The following KHDRBS2 variants were observed in gnomAD, a reference collection of about 807,000 sequenced individuals.
The protein encoded by KHDRBS2 is KH RNA binding domain containing, signal transduction associated 2.
In KHDRBS2, 26 loss-of-function variants were observed where a neutral mutation model predicts 44.3. The ratio of observed to expected loss-of-function variants is 0.59; its 90% confidence interval spans 0.43 to 0.81. The LOEUF is 0.81. Among genes scored for constraint, KHDRBS2 ranks in the 40% least tolerant of loss-of-function variants. KHDRBS2 has a pLI of 0.00. For missense variants in KHDRBS2, 476 were observed against 433.1 expected (o/e 1.10, Z -0.88); for synonymous variants, 194 against 151.1 (o/e 1.28, Z -2.08).
At chr6:61,720,775 T>G (rs1406947685) in intron 7 of KHDRBS2, among the ~76,000 whole-genome samples, 1 of 151,596 alleles carries the variant, frequency 6.6e-6, no homozygotes, top group Non-Finnish European at 1.5e-5. Flanking sequence ...AGAAGCTCTT[T>G]AGTTTAATTA....
chr6:62,142,163 G>A (rs995202815), intron 2 of KHDRBS2, among the ~76,000 whole-genome samples: 1 of 152,080 alleles, frequency 6.6e-6, no homozygotes, highest in Non-Finnish European at 1.5e-5. Flanking sequence ...GATCTGCCAA[G>A]ATACTCTAAA....
chr6:62,146,039 G>T (rs1030403505), intron 2 of KHDRBS2, among the ~76,000 whole-genome samples: 1 of 151,740 alleles, frequency 6.6e-6, no homozygotes, highest in African/African-American at 2.4e-5. Context: ...AATCCTAGAA[G>T]ATTTGGCAAT....
intron 6 of KHDRBS2, among the ~76,000 whole-genome samples, chr6:61,778,415 A>T (rs1782434413): frequency 6.6e-6 from 1 of 152,138 alleles, no homozygotes; most frequent in Non-Finnish European, 1.5e-5. Flanking sequence ...TATAGAGGTG[A>T]TAATTTACCC....
chr6:62,169,168 T>TAC (rs1342834207), intron 2 of KHDRBS2, among the ~76,000 whole-genome samples: 5 of 70,450 alleles, frequency 7.1e-5, no homozygotes, highest in East Asian at 7.7e-4. Context: ...CGTACACATA[T>TAC]ATGTATATAT....
chr6:62,272,827 G>A (rs1840297880), intron 1 of KHDRBS2, among the ~76,000 whole-genome samples: 1 of 152,138 alleles, frequency 6.6e-6, no homozygotes, highest in African/African-American at 2.4e-5. Context: ...GTAAAAGGAT[G>A]TTCCACATTA....
At chr6:61,830,742 G>A (rs1791654024) in intron 6 of KHDRBS2, among the ~76,000 whole-genome samples, 1 of 152,052 alleles carries the variant, frequency 6.6e-6, no homozygotes, top group Non-Finnish European at 1.5e-5. Flanking sequence ...TTCTACCTTT[G>A]AGCCAAATGG....
chr6:61,924,322 A>AT (rs1471142737), intron 4 of KHDRBS2, among the ~76,000 whole-genome samples: 4 of 151,994 alleles, frequency 2.6e-5, no homozygotes, highest in African/African-American at 4.8e-5. Context: ...GGAGGAAGAC[A>AT]TTTTTTTACC....
chr6:62,110,282 C>A (rs139342374), intron 2 of KHDRBS2, among the ~76,000 whole-genome samples: 1 of 152,102 alleles, frequency 6.6e-6, no homozygotes, highest in Admixed American at 6.6e-5. Context: ...TCTAAAGAAT[C>A]CAACATATAT....
intron 6 of KHDRBS2, among the ~76,000 whole-genome samples, chr6:61,750,854 T>C (rs2127568558): frequency 6.6e-6 from 1 of 152,144 alleles, no homozygotes; most frequent in African/African-American, 2.4e-5. Context: ...ATGGAATTTC[T>C]ATGTTTCTAG....
Position 62,213,340 on chromosome 6 carries a change from G to A in KHDRBS2, c.92-36028C>T, listed in dbSNP as rs528304471. ...GAGATTGAGGTTGCAGTTGCATAGC[G>A]CAGAATATGAAAAAAAAAATTCTGA... On this transcript the variant is annotated intron_variant, in intron 1 of 8. Coordinates refer to ENST00000281156, the MANE Select transcript of KHDRBS2 (RefSeq NM_152688.4). 1.8e-4 allele frequency among the ~76,000 whole-genome samples: 28 copies of A among 151,862 alleles called. 1 individual carries two copies. In the South Asian group the frequency reaches 5.6e-3, roughly 31 times the overall value.
chr6:61,906,455 T>C (rs1400915546), intron 4 of KHDRBS2, among the ~76,000 whole-genome samples: 3 of 152,136 alleles, frequency 2.0e-5, no homozygotes, highest in East Asian at 3.9e-4. Context: ...TCGTTGACTA[T>C]ATTCACTTCA....
rs1178840027 is a variant in KHDRBS2, at chr6:62,142,925, T to C, written c.219+34260A>G. 6.7e-5 allele frequency among the ~76,000 whole-genome samples: 10 copies of C among 149,140 alleles called. No individual in the cohort carries two copies. In the East Asian group the frequency reaches 1.7e-3, roughly 26 times the overall value. ...ACTTGATTTGTGTTTCAATGATTTGTAACAAAGAATTTATTTTAATTAATC... is the reference window on the plus strand; with the variant it reads ...ACTTGATTTGTGTTTCAATGATTTGCAACAAAGAATTTATTTTAATTAATC... On this transcript the variant is annotated intron_variant, in intron 2 of 8. Transcript: ENST00000281156.
intron 3 of KHDRBS2, among the ~76,000 whole-genome samples, chr6:62,016,364 G>C (rs973324211): frequency 4.0e-5 from 6 of 151,788 alleles, no homozygotes; most frequent in Non-Finnish European, 8.8e-5. Context: ...AGAACATTCA[G>C]TATATAAATG....
rs182986473 is a variant in KHDRBS2 at position 62,038,059 on chromosome 6, A to G, written c.336+9819T>C. On this transcript the variant is annotated intron_variant, in intron 3 of 8. Coordinates refer to ENST00000281156, the MANE Select transcript of KHDRBS2 (RefSeq NM_152688.4). ...TTCTATGACTGGCTTAACTGCCACA[A>G]TGGAACAACTCAGAGGCACTATTCA... Among the ~76,000 whole-genome samples the G allele has an allele frequency of 1.4e-4, 21 of 152,118 alleles. 1 individual carries two copies. Among genetic ancestry groups the G allele is most frequent in the Middle Eastern group, 3.4e-3 (1 of 294 alleles).
At chr6:61,873,140 T>C (rs1255753373) in intron 6 of KHDRBS2, among the ~76,000 whole-genome samples, 2 of 152,202 alleles carry the variant, frequency 1.3e-5, no homozygotes, top group East Asian at 3.9e-4. Flanking sequence ...ATAAAAATCA[T>C]GGTCTATTAA....
intron 6 of KHDRBS2, among the ~76,000 whole-genome samples, chr6:61,738,181 A>T (rs193207024): frequency 2.6e-5 from 4 of 152,136 alleles, no homozygotes; most frequent in Non-Finnish European, 5.9e-5. Flanking sequence ...TTAAGTTATC[A>T]GTCCCAACGC....
the KHDRBS2 span, among the ~76,000 whole-genome samples, chr6:61,586,215 A>T: frequency 6.6e-6 from 1 of 152,308 alleles, no homozygotes; most frequent in Admixed American, 6.5e-5. Context: ...TGCTGATATT[A>T]ATTAGGAAAA....
At chr6:62,214,345 GTAT>G (rs1207693132) in intron 1 of KHDRBS2, among the ~76,000 whole-genome samples, 1 of 152,146 alleles carries the variant, frequency 6.6e-6, no homozygotes, top group Non-Finnish European at 1.5e-5. Flanking sequence ...TGAAATTAAT[GTAT>G]TATTAGTTTT....
chr6:61,976,009 A>T (rs1056184467), intron 4 of KHDRBS2, among the ~76,000 whole-genome samples: 1 of 152,166 alleles, frequency 6.6e-6, no homozygotes, highest in Admixed American at 6.6e-5. Context: ...GCATGTCTGA[A>T]GTGCAATGAA....
Sources: gnomAD v4.1 joint callset for allele counts (sites outside exome capture counted in the v4.1 genomes callset) on GRCh38, gnomAD v4.1.1 for gene constraint, MANE v1.5 for transcripts, NCBI Gene and HGNC (gene_info 2026-07-23, HGNC 2026-07-21) for gene names.